The following NBPF20 variants were observed in gnomAD, a reference collection of about 807,000 sequenced individuals.
NBPF20 encodes NBPF family member NBPF20.
In NBPF20, 90 loss-of-function variants were observed where a neutral mutation model predicts 68.1. The observed-to-expected ratio is 1.32, with a 90% confidence interval of 1.11 to 1.58. The LOEUF (loss-of-function observed/expected upper bound fraction) is 1.58. Among genes scored for constraint, NBPF20 ranks in the 40% most tolerant of loss-of-function variants. The pLI, the probability that NBPF20 is intolerant of heterozygous loss-of-function variation, is 0.00. For missense variants in NBPF20, 816 were observed against 601.2 expected, an observed-to-expected ratio of 1.36 and a Z score of -3.74; for synonymous variants, 290 against 228.1, an observed-to-expected ratio of 1.27 and a Z score of -2.45.
At chr1:145,405,363 G>A (rs1316007745) in intron 1 of NBPF20, 47 bp downstream of exon 6, 4 of 1,458,832 alleles carry the variant, frequency 2.7e-6, no homozygotes, top group South Asian at 2.3e-5. Context: ...AATCAAATAG[G>A]TTTAATCAGG....
chr1:145,404,198 A>G (rs76309462), intron 2 of NBPF20, among the ~76,000 whole-genome samples: 17 of 149,790 alleles, frequency 1.1e-4, no homozygotes, highest in African/African-American at 3.5e-4. Context: ...GCACCAGGAA[A>G]CAGGACTTCG....
At chr1:145,403,140 C>A (rs1354636368) in intron 3 of NBPF20, 76 bp downstream of exon 8, 1 of 1,561,618 alleles carries the variant, frequency 6.4e-7, no homozygotes, top group African/African-American at 1.4e-5. Flanking sequence ...TTAGCTCTTA[C>A]GTCTCCCCAC....
intron 132 of NBPF20, 115 bp from the exon 138 acceptor site, chr1:145,295,733 A>G: frequency 1.8e-5 from 1 of 55,946 alleles, no homozygotes; most frequent in South Asian, 1.3e-4. Context: ...AGAATAGGAC[A>G]CTGTGAGAGA....
chr1:145,403,096 G>C, intron 3 of NBPF20, 120 bp downstream of exon 8: 3 of 1,044,630 alleles, frequency 2.9e-6, no homozygotes, highest in South Asian at 1.3e-5. Flanking sequence ...TAGCGAGCCT[G>C]CCATGGCAAT....
intron 5 of NBPF20, 98 bp downstream of exon 10, chr1:145,400,961 T>G (rs1553249235): frequency 1.1e-5 from 16 of 1,442,246 alleles, no homozygotes; most frequent in Middle Eastern, 4.8e-4. Flanking sequence ...CAAGCAAATG[T>G]GGGTTTTTGG....
At chr1:145,421,314 T>C in the NBPF20 span, among the ~76,000 whole-genome samples, 45 of 152,304 alleles carry the variant, frequency 3.0e-4, no homozygotes, top group South Asian at 8.9e-3. Context: ...GCTGTCTCGC[T>C]GAGCTTTCGC....
intron 6 of NBPF20, among the ~76,000 whole-genome samples, chr1:145,400,043 A>G (rs1662441232): frequency 1.3e-5 from 2 of 152,200 alleles, no homozygotes; most frequent in South Asian, 2.1e-4. Flanking sequence ...TTCCTTAAAC[A>G]GGCATAGAAA....
chr1:145,292,313 G>A (rs1553658100), intron 137 of NBPF20, 68 bp downstream of exon 142: 4 of 627,296 alleles, frequency 6.4e-6, no homozygotes, highest in East Asian at 2.6e-5. Context: ...AACACACTCT[G>A]GTTTCCCTGA....
chr1:145,410,752 ATATATATATATACG>A, the NBPF20 span, among the ~76,000 whole-genome samples: 2 of 138,244 alleles, frequency 1.4e-5, no homozygotes, highest in Non-Finnish European at 1.5e-5. Flanking sequence ...ATATATATAC[ATATATATATATACG>A]TATATATATA....
chr1:145,292,239 T>A (rs587616399), intron 137 of NBPF20, 142 bp downstream of exon 142: 1 of 670,468 alleles, frequency 1.5e-6, no homozygotes, highest in Non-Finnish European at 2.6e-6. Flanking sequence ...AAACATCTAC[T>A]GCAATGAAAA....
At chr1:145,400,325 G>A in intron 6 of NBPF20, 64 bp downstream of exon 11, 1 of 1,604,182 alleles carries the variant, frequency 6.2e-7, no homozygotes, top group South Asian at 1.1e-5. Context: ...TATAGAGCCT[G>A]TCTTCAGAGT....
chr1:145,292,287 T>C (rs1661170412), intron 137 of NBPF20, 94 bp downstream of exon 142: 1 of 609,646 alleles, frequency 1.6e-6, no homozygotes, highest in Non-Finnish European at 2.9e-6. Context: ...CAGCCTTCGT[T>C]GAAAACATGA....
chr1:145,408,750 T>G (rs1386249111), upstream of NBPF20, among the ~76,000 whole-genome samples: 5 of 152,100 alleles, frequency 3.3e-5, no homozygotes, highest in African/African-American at 4.8e-5. Flanking sequence ...TTATTTAGCC[T>G]TAATTTTTCT....
intron 7 of NBPF20, among the ~76,000 whole-genome samples, chr1:145,397,566 C>A (rs1397438460): frequency 2.9e-3 from 447 of 152,252 alleles, no homozygotes; most frequent in African/African-American, 0.01. Context: ...GCCTGCCTTA[C>A]AAGAGCTCCT....
Position 145,291,772 on chromosome 1 carries a change from G to A in NBPF20, c.16698-3C>T, listed in dbSNP as rs201131223. ...CTTCCATCAGCACGCCGTTGAGCCT[G>A]GAAAAGGAGACAAAACTAAAGAAGC... On this transcript the variant is annotated splice_polypyrimidine_tract_variant and splice_region_variant and intron_variant, in intron 137 of 137. Coordinates refer to ENST00000369373, the Ensembl canonical transcript of NBPF20. 1 of 1,611,800 alleles carries A rather than the reference G, an allele frequency of 6.2e-7. No individual in the cohort carries two copies. The highest frequency in any genetic ancestry group is 1.3e-5 in the African/African-American group (1 of 74,860).
At chr1:145,403,256 C>T in exon 3 of NBPF20, 4 of 1,612,468 alleles carry the variant, frequency 2.5e-6, no homozygotes, top group Non-Finnish European at 3.4e-6. Flanking sequence ...GCAAGCTTCT[C>T]CTCCTTGAAC....
chr1:145,396,548 T>G (rs1455858516), intron 7 of NBPF20, among the ~76,000 whole-genome samples: 1 of 151,254 alleles, frequency 6.6e-6, no homozygotes, highest in Non-Finnish European at 1.5e-5. Context: ...AACACTTAAT[T>G]GTCAGATTCA....
chr1:145,366,541 G>A (rs1367910753), intron 43 of NBPF20, among the ~76,000 whole-genome samples, 189 bp from the exon 49 acceptor site: 5 of 92,478 alleles, frequency 5.4e-5, no homozygotes, highest in African/African-American at 1.9e-4. Flanking sequence ...GAAAGAGAAA[G>A]ACAGATAGAC....
exon 6 of NBPF20, chr1:145,400,544 T>G (rs1188964546): frequency 8.1e-6 from 13 of 1,612,672 alleles, no homozygotes; most frequent in Middle Eastern, 1.9e-4. Flanking sequence ...GATGGCACAT[T>G]CCTCCTGTGA....
Sources: allele counts gnomAD v4.1 joint callset (sites outside exome capture counted in the v4.1 genomes callset), GRCh38; gene constraint gnomAD v4.1.1; transcripts MANE v1.5; gene names NCBI Gene and HGNC (gene_info 2026-07-23, HGNC 2026-07-21).